SMIM35: variants seen among roughly 807,000 people sequenced by gnomAD.
The protein encoded by SMIM35 is TMPRSS4 antisense RNA 1 (non-protein coding).
At chr11:118,044,375 G>A (rs1379721432) in intron 1 of SMIM35, among the ~76,000 whole-genome samples, 1 of 150,666 alleles carries the variant, frequency 6.6e-6, no homozygotes, top group African/African-American at 2.4e-5. Context: ...AGGTAATGGT[G>A]GCATTATGCA....
Position 118,038,700 on chromosome 11 carries a change from CA to C in SMIM35, c.8-22892del, listed in dbSNP as rs59464765. Among the ~76,000 whole-genome samples the C allele has an allele frequency of 1.9e-3, 262 of 134,592 alleles. 3 individuals are homozygous for C. Among genetic ancestry groups the C allele is most frequent in the Non-Finnish European group, 3.3e-3 (204 of 61,192 alleles). The allele number at this position is 134,592 out of a possible 152,430, so 88.3% of individuals were successfully genotyped here. A position where few individuals can be genotyped will look rare whatever the true frequency, so the allele number is the denominator to read the frequency against. ...GTTTTCATAACAGAAAGCAAAAAAACAAAAAAAAAAACAGGGGACCTGAACT... is the reference window on the plus strand; with the variant it reads ...GTTTTCATAACAGAAAGCAAAAAAACAAAAAAAAAACAGGGGACCTGAACT... On this transcript the variant is annotated intron_variant, in intron 1 of 4. Coordinates refer to ENST00000689828, the MANE Select transcript of SMIM35 (RefSeq NM_001394165.1).
chr11:118,017,337 A>G (rs1297025707), intron 1 of SMIM35, among the ~76,000 whole-genome samples: 1 of 152,212 alleles, frequency 6.6e-6, no homozygotes, highest in Non-Finnish European at 1.5e-5. Context: ...AAGAGCCCAG[A>G]TAAGAATAAT....
chr11:118,052,456 C>T (rs1300741196), intron 1 of SMIM35, among the ~76,000 whole-genome samples: 1 of 152,174 alleles, frequency 6.6e-6, no homozygotes, highest in Non-Finnish European at 1.5e-5. Context: ...AGCTAAGCTT[C>T]AAGCCGCTCA....
At chr11:118,041,147 A>G (rs573047584) in intron 1 of SMIM35, among the ~76,000 whole-genome samples, 1 of 152,258 alleles carries the variant, frequency 6.6e-6, no homozygotes, top group South Asian at 2.1e-4. Flanking sequence ...TTAAAACATT[A>G]AGCATCAAAA....
intron 1 of SMIM35, among the ~76,000 whole-genome samples, chr11:118,070,483 C>G (rs921616370): frequency 6.6e-6 from 1 of 152,162 alleles, no homozygotes; most frequent in African/African-American, 2.4e-5. Flanking sequence ...AGCCTCTAGA[C>G]AGATTCTTAT....
intron 1 of SMIM35, among the ~76,000 whole-genome samples, chr11:118,044,048 C>T (rs915123000): frequency 6.6e-6 from 1 of 151,810 alleles, no homozygotes; most frequent in African/African-American, 2.4e-5. Flanking sequence ...GTTAAAAAAG[C>T]GATAAAATGC....
intron 1 of SMIM35, among the ~76,000 whole-genome samples, chr11:118,071,312 C>G (rs1944567799): frequency 6.6e-6 from 1 of 152,184 alleles, no homozygotes; most frequent in East Asian, 1.9e-4. Context: ...TTTCAATTGC[C>G]TCGATTCTTT....
At chr11:118,012,409 T>A (rs1468956506) in intron 4 of SMIM35, among the ~76,000 whole-genome samples, 1 of 152,224 alleles carries the variant, frequency 6.6e-6, no homozygotes, top group East Asian at 1.9e-4. Flanking sequence ...GATTCCTGGT[T>A]TCCCTGGTGC....
At chr11:118,015,653 C>G (rs2058176089) in intron 2 of SMIM35, 40 bp downstream of exon 2, 1 of 399,086 alleles carries the variant, frequency 2.5e-6, no homozygotes. Context: ...AGAGGAGGAG[C>G]TGCGCAGAAC....
intron 1 of SMIM35, among the ~76,000 whole-genome samples, chr11:118,026,814 A>C (rs1407168495): frequency 6.6e-6 from 1 of 152,102 alleles, no homozygotes; most frequent in East Asian, 1.9e-4. Flanking sequence ...TTTTTAAAAA[A>C]TAAAAATATA....
chr11:118,015,358 C>A (rs572481678), intron 2 of SMIM35, among the ~76,000 whole-genome samples: 30 of 152,312 alleles, frequency 2.0e-4, no homozygotes, highest in African/African-American at 7.0e-4. Flanking sequence ...ACACAAGGAG[C>A]CTGTTGGAGC....
intron 1 of SMIM35, among the ~76,000 whole-genome samples, chr11:118,073,438 A>G (rs1190964342): frequency 6.6e-6 from 1 of 152,230 alleles, no homozygotes; most frequent in African/African-American, 2.4e-5. Context: ...AGGTTTTGAG[A>G]GGCCTGAAGC....
chr11:118,029,784 C>A (rs1012673547), intron 1 of SMIM35: 21 of 457,092 alleles, frequency 4.6e-5, no homozygotes, highest in Non-Finnish European at 8.8e-5. Context: ...CTGAGGTCCT[C>A]CCCCAGGCTC....
At chr11:118,029,720 C>A (rs1343414505) in intron 1 of SMIM35, 1 of 457,412 alleles carries the variant, frequency 2.2e-6, no homozygotes, top group East Asian at 6.9e-5. Context: ...TACACCCTAC[C>A]CTCTGCCCCA....
intron 1 of SMIM35, among the ~76,000 whole-genome samples, chr11:118,062,305 G>A (rs1944404724): frequency 6.6e-6 from 1 of 152,198 alleles, no homozygotes; most frequent in South Asian, 2.1e-4. Flanking sequence ...ACCCCAGCCT[G>A]GGCAACAGAG....
At chr11:118,024,149 A>C (rs189957495) in intron 1 of SMIM35, among the ~76,000 whole-genome samples, 99 of 152,314 alleles carry the variant, frequency 6.5e-4, no homozygotes, top group Non-Finnish European at 1.2e-3. Flanking sequence ...TTTTGATGAG[A>C]TATGGCCAAC....
intron 1 of SMIM35, among the ~76,000 whole-genome samples, chr11:118,056,891 A>G (rs1944319642): frequency 6.6e-6 from 1 of 152,132 alleles, no homozygotes; most frequent in Admixed American, 6.5e-5. Flanking sequence ...TGAAGGGAGC[A>G]GAGGCCAGAC....
intron 1 of SMIM35, among the ~76,000 whole-genome samples, chr11:118,021,560 T>C (rs2058231692): frequency 6.6e-6 from 1 of 152,202 alleles, no homozygotes; most frequent in South Asian, 2.1e-4. Flanking sequence ...TTATAAAATG[T>C]ATCTTTAACT....
At chr11:118,045,316 T>C (rs1022659911) in intron 1 of SMIM35, among the ~76,000 whole-genome samples, 10 of 105,274 alleles carry the variant, frequency 9.5e-5, no homozygotes, top group Non-Finnish European at 2.1e-4. Context: ...ATTCTAGTTA[T>C]GGTATACACA....
Sources: gnomAD v4.1 joint callset for allele counts (sites outside exome capture counted in the v4.1 genomes callset) on GRCh38, gnomAD v4.1.1 for gene constraint, MANE v1.5 for transcripts, NCBI Gene and HGNC (gene_info 2026-07-23, HGNC 2026-07-21) for gene names.